SLC26A3: variants seen among roughly 807,000 people sequenced by gnomAD.
SLC26A3 encodes chloride anion exchanger.
Under a neutral mutation model 85.6 loss-of-function variants are expected in SLC26A3, and 64 were observed. The observed-to-expected ratio is 0.75, with a 90% CI of 0.61 to 0.92. The LOEUF (loss-of-function observed/expected upper bound fraction) is 0.92, where lower values mean the gene tolerates loss of function less well. SLC26A3 is among the 40% of genes least tolerant of loss of function. The pLI, the probability that SLC26A3 is intolerant of heterozygous loss-of-function variation, is 0.00. For missense variants in SLC26A3, 922 were observed against 927.3 expected, an observed-to-expected ratio of 0.99 and a Z score of 0.07; for synonymous variants, 349 against 336.0, an observed-to-expected ratio of 1.04 and a Z score of -0.42.
chr7:107,770,540 G>A (rs1450127554), intron 18 of SLC26A3, among the ~76,000 whole-genome samples: 5 of 151,894 alleles, frequency 3.3e-5, no homozygotes, highest in African/African-American at 1.2e-4. Context: ...TTACAGGCAT[G>A]AGCCACCGCT....
chr7:107,777,402 C>A (rs941991363), intron 13 of SLC26A3, among the ~76,000 whole-genome samples: 1 of 152,076 alleles, frequency 6.6e-6, no homozygotes, highest in Non-Finnish European at 1.5e-5. Flanking sequence ...CACGAACCAG[C>A]CTGGCCAACA....
At chr7:107,778,583 C>T (rs541791819) in intron 12 of SLC26A3, among the ~76,000 whole-genome samples, 2 of 152,148 alleles carry the variant, frequency 1.3e-5, no homozygotes, top group East Asian at 3.9e-4. Flanking sequence ...TATTTCTAAT[C>T]CCATCTCCAA....
intron 6 of SLC26A3, among the ~76,000 whole-genome samples, chr7:107,788,458 A>G (rs1271209155): frequency 6.6e-6 from 1 of 152,198 alleles, no homozygotes; most frequent in East Asian, 1.9e-4. Context: ...CAGGATGCAA[A>G]AAGACCCAAG....
intron 6 of SLC26A3, among the ~76,000 whole-genome samples, chr7:107,788,605 A>G (rs1325868186): frequency 6.6e-6 from 1 of 152,088 alleles, no homozygotes; most frequent in Non-Finnish European, 1.5e-5. Context: ...CTTTTAAAAC[A>G]TAGACTTTTT....
At chr7:107,791,666 A>G (rs1350741278) in intron 4 of SLC26A3, among the ~76,000 whole-genome samples, 164 bp downstream of exon 4, 1 of 152,176 alleles carries the variant, frequency 6.6e-6, no homozygotes. Context: ...AATGGCTGCC[A>G]TCTGTGACCC....
chr7:107,789,858 C>CCT (rs1486609028), intron 5 of SLC26A3, among the ~76,000 whole-genome samples, 170 bp from the exon 6 acceptor site: 4 of 152,138 alleles, frequency 2.6e-5, no homozygotes, highest in Admixed American at 2.6e-4. Flanking sequence ...ACCCAGGGCT[C>CCT]CTCTCTCTCC....
In SLC26A3 at chr7:107,791,851, T is replaced by A. The variant is rs755093836; in HGVS notation, c.361A>T (p.Thr121Ser). 6.2e-7 allele frequency: 1 copy of A among 1,611,878 alleles called. No individual in the cohort carries two copies. The highest frequency in any genetic ancestry group is 1.1e-5 in the South Asian group (1 of 91,040). The stretch of plus-strand genomic sequence containing the variant: ...TTACCCACGGATATGTGTCTGGAAG[T>A]GCCGAAGAAAAGGTAGATTATGGCT... ...FPAIIYLFFG[T>S]SRHISVGPFP... The change falls in exon 4 of 21, where the codon ACT (threonine) becomes TCT (serine). Residue 121 changes from threonine to serine, a missense_variant. Coordinates refer to ENST00000340010, the MANE Select transcript of SLC26A3 (RefSeq NM_000111.3).
At chr7:107,799,628 G>A (rs1205032182) in intron 1 of SLC26A3, among the ~76,000 whole-genome samples, 2 of 152,176 alleles carry the variant, frequency 1.3e-5, no homozygotes, top group Non-Finnish European at 2.9e-5. Context: ...CTGGCCTCAA[G>A]TGGTCTGCCT....
chr7:107,783,205 C>T lies in SLC26A3; in HGVS notation c.1119G>A (p.Gln373=). The T allele has an allele frequency of 6.2e-7, 1 of 1,614,150 alleles. No homozygotes were observed. ...GACCCAGTGTAGTTTGTTTACTTAC[C>T]TGATTGCCATCAAGTGGATAATCGT... ...LKYDYPLDGN[Q]ELIALGLGNI... Residue 373 remains glutamine, a splice_region_variant and synonymous_variant, in exon 9 of 21, where the codon CAG becomes CAA. Transcript: ENST00000340010.
At chr7:107,782,730 A>T in intron 11 of SLC26A3, 67 bp downstream of exon 11, 1 of 1,443,298 alleles carries the variant, frequency 6.9e-7, no homozygotes, top group African/African-American at 1.4e-5. Context: ...TTGTGCTTTC[A>T]GAATTTAAGA....
At chr7:107,780,795 G>A (rs981719326) in intron 11 of SLC26A3, among the ~76,000 whole-genome samples, 11 of 152,098 alleles carry the variant, frequency 7.2e-5, no homozygotes, top group Non-Finnish European at 1.5e-4. Flanking sequence ...AAAAAATTTG[G>A]CACACAAGTG....
Position 107,774,849 on chromosome 7 carries a change from A to G in SLC26A3, c.1701T>C (p.Ile567=). The G allele has an allele frequency of 1.9e-6, 3 of 1,614,188 alleles. No individual in the cohort carries two copies. Among genetic ancestry groups the G allele is most frequent in the Non-Finnish European group, 2.5e-6 (3 of 1,180,020 alleles). ...IDAVGFSPLR[I]LRKRNKALRK... ...TCAAAGCTTTGTTGCGCTTGCGTAG[A>G]ATTCGAAGTGGACTAAAGCCAACCT... is the stretch of plus-strand genomic sequence containing the variant. The change falls in exon 16 of 21, where the codon ATT becomes ATC. Residue 567 remains isoleucine (I), a synonymous_variant. Coordinates refer to ENST00000340010, the MANE Select transcript of SLC26A3 (RefSeq NM_000111.3).
At chr7:107,788,692 T>C (rs1054825636) in intron 6 of SLC26A3, among the ~76,000 whole-genome samples, 1 of 151,994 alleles carries the variant, frequency 6.6e-6, no homozygotes, top group East Asian at 1.9e-4. Flanking sequence ...AGCTGTATGG[T>C]AGATGTGGTT....
In SLC26A3 at chr7:107,791,145, C is replaced by T; in HGVS notation, c.473G>A (p.Gly158Glu). The change falls in exon 5 of 21, where the codon GGA (glycine) becomes GAA (glutamate). Residue 158 changes from glycine (G) to glutamate (E), a missense_variant. Gly to Glu is a moderately conservative substitution (Grantham distance 98). Coordinates refer to ENST00000340010, the MANE Select transcript of SLC26A3 (RefSeq NM_000111.3). ...AGAATTATTCGAGTTGTTAGGCAATCCCAAAGTAGTTGCATTGCGATCTGG... is the reference window on the plus strand; with the variant it reads ...AGAATTATTCGAGTTGTTAGGCAATTCCAAAGTAGTTGCATTGCGATCTGG... ...AVPDRNATTL[G>E]LPNNSNNSSL... 6.2e-7 allele frequency: 1 copy of T among 1,614,184 alleles called. No homozygotes were observed. Among genetic ancestry groups the T allele is most frequent in the Non-Finnish European group, 8.5e-7 (1 of 1,180,020 alleles).
chr7:107,789,411 AT>A (rs1293137683), intron 6 of SLC26A3, 112 bp downstream of exon 6: 5 of 1,107,808 alleles, frequency 4.5e-6, no homozygotes, highest in Non-Finnish European at 5.3e-6. Flanking sequence ...ATATGAAAAA[AT>A]TTTACAAACT....
chr7:107,785,730 G>T (rs534634727), intron 8 of SLC26A3, among the ~76,000 whole-genome samples: 2 of 152,098 alleles, frequency 1.3e-5, no homozygotes, highest in Middle Eastern at 6.8e-3. Flanking sequence ...AACACACGAA[G>T]ATCTGGTAAT....
chr7:107,778,436 G>A (rs1219896128), intron 12 of SLC26A3, among the ~76,000 whole-genome samples, 155 bp from the exon 13 acceptor site: 1 of 141,004 alleles, frequency 7.1e-6, no homozygotes, highest in Non-Finnish European at 1.5e-5. Context: ...CAGACGTGGT[G>A]GAAGTTGAAA....
intron 18 of SLC26A3, among the ~76,000 whole-genome samples, chr7:107,771,180 T>C (rs1256379555): frequency 6.6e-6 from 1 of 152,166 alleles, no homozygotes; most frequent in Non-Finnish European, 1.5e-5. Flanking sequence ...TTTCAGGGTT[T>C]CTATCTGGAA....
At chr7:107,802,779 A>G (rs528686930) in intron 1 of SLC26A3, among the ~76,000 whole-genome samples, 1 of 146,990 alleles carries the variant, frequency 6.8e-6, no homozygotes, top group South Asian at 2.1e-4. Flanking sequence ...CTCAGAGCAG[A>G]CAATCTATCT....
Sources: gnomAD v4.1 joint callset for allele counts (sites outside exome capture counted in the v4.1 genomes callset) on GRCh38, gnomAD v4.1.1 for gene constraint, MANE v1.5 for transcripts, NCBI Gene and HGNC (gene_info 2026-07-23, HGNC 2026-07-21) for gene names.